The following SPOCK1 variants were observed in gnomAD, a reference collection of about 807,000 sequenced individuals.
SPOCK1 encodes the protein testican-1.
In SPOCK1, 23 loss-of-function variants were observed where a neutral mutation model predicts 55.3. That is an observed-to-expected ratio of 0.42 (90% CI 0.30 to 0.59). SPOCK1 has a LOEUF of 0.59. Among genes scored for constraint, SPOCK1 ranks in the 20% least tolerant of loss-of-function variants. The pLI, the probability that SPOCK1 is intolerant of heterozygous loss-of-function variation, is 0.22. For missense variants in SPOCK1, 499 were observed against 552.5 expected (o/e 0.90, Z 0.97); for synonymous variants, 226 against 221.0 (o/e 1.02, Z -0.20).
intron 5 of SPOCK1, among the ~76,000 whole-genome samples, chr5:137,082,958 T>A (rs1050019931): frequency 1.1e-4 from 16 of 152,210 alleles, no homozygotes. Context: ...AGGCCAACTG[T>A]GATCTCCAGG....
intron 2 of SPOCK1, among the ~76,000 whole-genome samples, chr5:137,353,805 T>C (rs1750732502): frequency 6.6e-6 from 1 of 152,112 alleles, no homozygotes; most frequent in South Asian, 2.1e-4. Flanking sequence ...GTGTCCCCTC[T>C]TCAATTTTCT....
intron 3 of SPOCK1, among the ~76,000 whole-genome samples, chr5:137,147,638 G>C (rs558780495): frequency 1.2e-3 from 178 of 152,292 alleles, no homozygotes; most frequent in African/African-American, 4.1e-3. Context: ...TATCCTATCA[G>C]CTCAGGGCTC....
At chr5:137,206,832 C>T (rs114132037) in intron 3 of SPOCK1, among the ~76,000 whole-genome samples, 29 of 152,216 alleles carry the variant, frequency 1.9e-4, no homozygotes, top group African/African-American at 7.0e-4. Context: ...TCAAATGCTC[C>T]ATAAAGACAG....
At chr5:137,422,557 T>C (rs957745725) in intron 2 of SPOCK1, among the ~76,000 whole-genome samples, 6 of 152,350 alleles carry the variant, frequency 3.9e-5, no homozygotes, top group East Asian at 1.9e-4. Context: ...ACTGATACCC[T>C]TTCTTCCAGT....
At chr5:137,067,915 C>T in intron 5 of SPOCK1, 86 bp from the exon 6 acceptor site, 2 of 1,120,142 alleles carry the variant, frequency 1.8e-6, no homozygotes, top group Non-Finnish European at 2.7e-6. Flanking sequence ...GTGCCCTTTG[C>T]TTCACAAAAG....
At chr5:137,444,187 T>C (rs1276646732) in intron 2 of SPOCK1, among the ~76,000 whole-genome samples, 3 of 152,136 alleles carry the variant, frequency 2.0e-5, no homozygotes, top group Non-Finnish European at 4.4e-5. Flanking sequence ...CCCTGTGTCA[T>C]GCTCTTCCCC....
chr5:137,116,568 C>T (rs952154124), intron 4 of SPOCK1, among the ~76,000 whole-genome samples: 1 of 152,012 alleles, frequency 6.6e-6, no homozygotes, highest in Non-Finnish European at 1.5e-5. Context: ...ATCACTTGAA[C>T]ACGGCAGGCG....
chr5:137,221,141 A>G (rs183790218), intron 3 of SPOCK1, among the ~76,000 whole-genome samples: 1 of 152,354 alleles, frequency 6.6e-6, no homozygotes, highest in Admixed American at 6.5e-5. Context: ...AGGATTCACA[A>G]GTTTCCTCTA....
chr5:137,124,905 T>A (rs576318986), intron 4 of SPOCK1, among the ~76,000 whole-genome samples: 29 of 152,354 alleles, frequency 1.9e-4, no homozygotes, highest in African/African-American at 6.5e-4. Context: ...AGTCTAGTTA[T>A]GTTGCTCTTT....
At chr5:137,275,486 G>C (rs1307749727) in intron 2 of SPOCK1, among the ~76,000 whole-genome samples, 6 of 152,202 alleles carry the variant, frequency 3.9e-5, no homozygotes, top group Non-Finnish European at 5.9e-5. Context: ...CTGATGCCTG[G>C]CCCAGGGCAG....
intron 6 of SPOCK1, among the ~76,000 whole-genome samples, chr5:137,038,101 C>T (rs1249885117): frequency 6.6e-6 from 1 of 152,164 alleles, no homozygotes; most frequent in East Asian, 1.9e-4. Context: ...AAGCAAAAGC[C>T]TCATGGATTG....
chr5:137,236,956 T>C (rs1377206161), intron 3 of SPOCK1, among the ~76,000 whole-genome samples: 2 of 152,156 alleles, frequency 1.3e-5, no homozygotes, highest in African/African-American at 4.8e-5. Context: ...CTAATTACTC[T>C]GGGGTGAGGA....
rs138230869 is a variant in SPOCK1, at chr5:136,988,498, A to C, written c.852T>G (p.Leu284=). The stretch of plus-strand genomic sequence containing the variant: ...CCTTGAAGGAGTCACACGAGTTGAA[A>C]AGAGGCTTGATACAGGGCTCGTACT... ...LDKYEPCIKP[L]FNSCDSFKDG... The change falls in exon 8 of 11, where the codon CTT becomes CTG. Residue 284 remains leucine (L), a synonymous_variant. Transcript: ENST00000394945. 2,775 of 1,614,144 alleles carry C rather than the reference A, an allele frequency of 1.7e-3. 11 individuals are homozygous for C. The highest frequency in any genetic ancestry group is 2.5e-3 in the Middle Eastern group (15 of 6,062).
intron 6 of SPOCK1, among the ~76,000 whole-genome samples, chr5:137,028,740 C>T (rs1751723569): frequency 6.6e-6 from 1 of 152,060 alleles, no homozygotes; most frequent in African/African-American, 2.4e-5. Flanking sequence ...CCCCGAGACT[C>T]GACCCCAGAA....
intron 3 of SPOCK1, among the ~76,000 whole-genome samples, chr5:137,163,741 C>T (rs762546524): frequency 7.9e-5 from 12 of 152,152 alleles, no homozygotes; most frequent in Non-Finnish European, 1.5e-4. Context: ...GGCTAGATCG[C>T]GCAAAGATTT....
At chr5:137,365,733 A>G (rs1455318937) in intron 2 of SPOCK1, among the ~76,000 whole-genome samples, 1 of 152,202 alleles carries the variant, frequency 6.6e-6, no homozygotes, top group African/African-American at 2.4e-5. Context: ...GGCAAGAGCC[A>G]CTGGATCTTG....
chr5:137,081,472 CT>C (rs1269390498), intron 5 of SPOCK1, among the ~76,000 whole-genome samples: 1 of 152,208 alleles, frequency 6.6e-6, no homozygotes, highest in Admixed American at 6.5e-5. Context: ...AAGATCTCAC[CT>C]TGGGCTGACA....
At chr5:137,466,681 G>A (rs888808172) in intron 2 of SPOCK1, among the ~76,000 whole-genome samples, 3 of 152,244 alleles carry the variant, frequency 2.0e-5, no homozygotes, top group Admixed American at 6.5e-5. Flanking sequence ...ATACATAAGA[G>A]TGTGCATCTT....
intron 5 of SPOCK1, among the ~76,000 whole-genome samples, chr5:137,104,523 A>G (rs1426173845): frequency 6.6e-6 from 1 of 152,230 alleles, no homozygotes. Flanking sequence ...CCCCAAGGCC[A>G]TGGACTGCTA....
Sources: gnomAD v4.1 joint callset for allele counts (sites outside exome capture counted in the v4.1 genomes callset) on GRCh38, gnomAD v4.1.1 for gene constraint, MANE v1.5 for transcripts, NCBI Gene and HGNC (gene_info 2026-07-23, HGNC 2026-07-21) for gene names.